Variants in ZDHHC7 observed in about 807,000 individuals in gnomAD.
The protein encoded by ZDHHC7 is zDHHC palmitoyltransferase 7.
Under a neutral mutation model 34.1 loss-of-function variants are expected in ZDHHC7, and 12 were observed. The ratio of observed to expected loss-of-function variants is 0.35; its 90% CI spans 0.23 to 0.57. The LOEUF (loss-of-function observed/expected upper bound fraction) is 0.57, where lower values mean the gene tolerates loss of function less well. ZDHHC7 is among the 20% of genes least tolerant of loss of function. The pLI is 0.84. For missense variants in ZDHHC7, 388 were observed against 402.7 expected (o/e 0.96, Z 0.31); for synonymous variants, 185 against 155.4 (o/e 1.19, Z -1.42).
At chr16:84,996,481 G>A (rs1020687966) in intron 1 of ZDHHC7, among the ~76,000 whole-genome samples, 1 of 152,066 alleles carries the variant, frequency 6.6e-6, no homozygotes, top group Non-Finnish European at 1.5e-5. Context: ...ACCCAGTGAG[G>A]GCCACTCAAT....
chr16:84,994,652 G>A (rs768640902), intron 2 of ZDHHC7, among the ~76,000 whole-genome samples: 6 of 152,192 alleles, frequency 3.9e-5, no homozygotes, highest in Non-Finnish European at 7.3e-5. Flanking sequence ...ACCTGGGGGT[G>A]CGGATGGCAG....
the ZDHHC7 span, among the ~76,000 whole-genome samples, chr16:85,020,301 T>C: frequency 6.6e-6 from 1 of 152,220 alleles, no homozygotes; most frequent in African/African-American, 2.4e-5. Context: ...AAACTCATAT[T>C]TATTCATTCA....
chr16:84,983,989 T>A (rs537660782), intron 3 of ZDHHC7, among the ~76,000 whole-genome samples: 1 of 148,048 alleles, frequency 6.8e-6, no homozygotes, highest in Admixed American at 6.7e-5. Flanking sequence ...AATTTTTACT[T>A]AACTTACATT....
At chr16:84,995,627 A>G (rs879472959) in intron 2 of ZDHHC7, among the ~76,000 whole-genome samples, 1 of 150,552 alleles carries the variant, frequency 6.6e-6, no homozygotes, top group Non-Finnish European at 1.5e-5. Context: ...CTCCATCTCA[A>G]AAAAAACAGA....
At chr16:85,025,793 A>G in the ZDHHC7 span, among the ~76,000 whole-genome samples, 1 of 152,216 alleles carries the variant, frequency 6.6e-6, no homozygotes, top group Admixed American at 6.5e-5. Context: ...AGGCCCAGAT[A>G]TATATTTCCA....
At chr16:84,991,468 A>G (rs1475908252) in intron 2 of ZDHHC7, among the ~76,000 whole-genome samples, 2 of 151,668 alleles carry the variant, frequency 1.3e-5, no homozygotes, top group African/African-American at 4.8e-5. Context: ...TTGTATTTTT[A>G]GTAGAGATGG....
the ZDHHC7 span, among the ~76,000 whole-genome samples, chr16:85,025,429 G>T: frequency 6.6e-6 from 1 of 151,808 alleles, no homozygotes. Flanking sequence ...TTGGGGGGGG[G>T]GACTAAGTCT....
Position 84,979,248 on chromosome 16 carries a change from A to G in ZDHHC7, c.478T>C (p.Cys160Arg). The G allele has an allele frequency of 6.2e-7, 1 of 1,609,932 alleles. No individual in the cohort carries two copies. The highest frequency in any genetic ancestry group is 8.5e-7 in the Non-Finnish European group (1 of 1,179,352). ...KRCIRKMDHH[C>R]PWVNNCVGEK... ...CCTACACAATTGTTCACCCACGGGC[A>G]GTGATGATCCATTTTCCGAATACAT... is the stretch of plus-strand genomic sequence containing the variant. Residue 160 changes from cysteine (C) to arginine (R), a missense_variant, in exon 5 of 8, where the codon TGC becomes CGC. Cys to Arg is a radical substitution (Grantham distance 180, BLOSUM62 -3). Coordinates refer to ENST00000313732, the MANE Select transcript of ZDHHC7 (RefSeq NM_017740.3).
At chr16:85,025,378 C>A in the ZDHHC7 span, among the ~76,000 whole-genome samples, 1 of 151,858 alleles carries the variant, frequency 6.6e-6, no homozygotes, top group Non-Finnish European at 1.5e-5. Flanking sequence ...TCCTGCTGAG[C>A]CAACCCCAGA....
upstream of ZDHHC7, among the ~76,000 whole-genome samples, chr16:85,011,785 C>G (rs1340646976): frequency 6.6e-6 from 1 of 152,216 alleles, no homozygotes; most frequent in East Asian, 1.9e-4. Flanking sequence ...GCTGCGGAAC[C>G]GGGTTGGGAA....
chr16:85,006,226 G>A (rs2072715305), intron 1 of ZDHHC7, among the ~76,000 whole-genome samples: 1 of 152,034 alleles, frequency 6.6e-6, no homozygotes, highest in African/African-American at 2.4e-5. Flanking sequence ...GGGCGCAGTG[G>A]TACACAGCTG....
chr16:85,019,785 G>C, the ZDHHC7 span, among the ~76,000 whole-genome samples: 1 of 152,172 alleles, frequency 6.6e-6, no homozygotes, highest in Admixed American at 6.5e-5. Flanking sequence ...ATGAATGAGT[G>C]AACTCACTAT....
chr16:85,011,855 C>G (rs528609533), upstream of ZDHHC7, among the ~76,000 whole-genome samples: 1 of 152,164 alleles, frequency 6.6e-6, no homozygotes, highest in South Asian at 2.1e-4. Context: ...GCTCCAGTGG[C>G]CTGTACTATA....
the ZDHHC7 span, among the ~76,000 whole-genome samples, chr16:85,020,606 G>A: frequency 6.6e-6 from 1 of 152,142 alleles, no homozygotes; most frequent in Non-Finnish European, 1.5e-5. Context: ...GGACACGCAG[G>A]CAGGTCCTAC....
At chr16:85,017,425 T>A in the ZDHHC7 span, among the ~76,000 whole-genome samples, 1 of 152,176 alleles carries the variant, frequency 6.6e-6, no homozygotes, top group Non-Finnish European at 1.5e-5. Context: ...ATTGTTTAAC[T>A]GCCCTGGACA....
chr16:84,975,731 G>C lies in ZDHHC7; in HGVS notation c.*612C>G, dbSNP rs1163437027. ...TTTTGACACACATGCACACACGCGC[G>C]CACACGCACAGACACGCACACACAC... On this transcript the variant is annotated 3_prime_UTR_variant, in exon 8 of 8. Transcript: ENST00000313732. 3 of 153,176 alleles carry C rather than the reference G, an allele frequency of 2.0e-5. No individual in the cohort carries two copies. The highest frequency in any genetic ancestry group is 4.4e-5 in the Non-Finnish European group (3 of 68,460). 9.5% of individuals were successfully genotyped at this position (153,176 alleles called of 1,614,324 possible).
chr16:84,981,824 C>A (rs2143572355), intron 4 of ZDHHC7, 46 bp downstream of exon 4: 3 of 1,612,624 alleles, frequency 1.9e-6, no homozygotes, highest in East Asian at 2.2e-5. Context: ...AGCACACGTA[C>A]CCGCAGTGGC....
At chr16:85,013,289 C>A (rs956293200), upstream of ZDHHC7, among the ~76,000 whole-genome samples, 5 of 152,128 alleles carry the variant, frequency 3.3e-5, no homozygotes, top group African/African-American at 1.2e-4. Context: ...GTCTCCCAGG[C>A]TGGAGTGCAG....
chr16:84,975,459 A>AAG lies in ZDHHC7; in HGVS notation c.*883_*884insCT, dbSNP rs568234643. 2.0e-5 allele frequency: 3 copies of AAG among 152,532 alleles called. No individual in the cohort carries two copies. In the South Asian group the frequency reaches 6.2e-4, roughly 32 times the overall value. 9.4% of individuals were successfully genotyped at this position (152,532 alleles called of 1,614,324 possible). A position where few individuals can be genotyped will look rare whatever the true frequency, so the allele number is the denominator to read the frequency against. ...CTAATTTGGCTGGAACAAAAAAAAA[A>AAG]AATCAGTTCCAAGGCCCTCAAGCAC... On this transcript the variant is annotated 3_prime_UTR_variant, in exon 8 of 8. Coordinates refer to ENST00000313732, the MANE Select transcript of ZDHHC7 (RefSeq NM_017740.3).
Sources: allele counts gnomAD v4.1 joint callset (sites outside exome capture counted in the v4.1 genomes callset), GRCh38; gene constraint gnomAD v4.1.1; transcripts MANE v1.5; gene names NCBI Gene and HGNC (gene_info 2026-07-23, HGNC 2026-07-21).